MYO16: variants seen among roughly 807,000 people sequenced by gnomAD.
MYO16 encodes the protein unconventional myosin-XVI.
MYO16 carries 94 observed loss-of-function variants against 205.3 expected under a neutral mutation model. The ratio of observed to expected loss-of-function variants is 0.46; its 90% CI spans 0.39 to 0.54. MYO16 has a LOEUF of 0.54. Among genes scored for constraint, MYO16 ranks in the 20% least tolerant of loss-of-function variants. MYO16 has a pLI of 0.00. For missense variants in MYO16, 2,315 were observed against 2,387.5 expected, an observed-to-expected ratio of 0.97 and a Z score of 0.63; for synonymous variants, 988 against 954.0, an observed-to-expected ratio of 1.04 and a Z score of -0.66.
At chr13:108,762,384 C>A (rs1011113684) in intron 4 of MYO16, among the ~76,000 whole-genome samples, 2 of 152,084 alleles carry the variant, frequency 1.3e-5, no homozygotes, top group Non-Finnish European at 2.9e-5. Context: ...TGGATCAAAT[C>A]GTAGTTCTGT....
intron 27 of MYO16, among the ~76,000 whole-genome samples, chr13:109,080,760 G>T (rs757690889): frequency 6.6e-6 from 1 of 152,054 alleles, no homozygotes; most frequent in Non-Finnish European, 1.5e-5. Flanking sequence ...TAAATAATGA[G>T]CATAGAGGGA....
chr13:108,500,372 G>A, the MYO16 span, among the ~76,000 whole-genome samples: 2 of 151,520 alleles, frequency 1.3e-5, no homozygotes, highest in African/African-American at 4.9e-5. Flanking sequence ...TGCGATTACA[G>A]GCGCCTGCCA....
intron 3 of MYO16, among the ~76,000 whole-genome samples, chr13:108,718,098 C>G (rs1347096686): frequency 2.0e-5 from 3 of 152,134 alleles, no homozygotes; most frequent in African/African-American, 7.2e-5. Flanking sequence ...TAATTAGCAC[C>G]TTACTACAGT....
intron 23 of MYO16, among the ~76,000 whole-genome samples, chr13:109,021,864 C>A (rs1394633277): frequency 1.3e-5 from 2 of 151,544 alleles, no homozygotes; most frequent in African/African-American, 4.9e-5. Context: ...AACAAAAAAG[C>A]AGAGGGCCTG....
At chr13:109,108,328 T>G (rs1200375325) in intron 28 of MYO16, among the ~76,000 whole-genome samples, 2 of 152,258 alleles carry the variant, frequency 1.3e-5, no homozygotes, top group East Asian at 3.8e-4. Context: ...TGAAGGTATC[T>G]GCAGTGCGTT....
Position 108,666,209 on chromosome 13 carries a change from TGGTTTG to T in MYO16, c.292+61_292+66del. On this transcript the variant is annotated intron_variant, in intron 2 of 34. Transcript: ENST00000457511. ...GTGATTTTTCATGATTGATTTTTGT[TGGTTTG>T]TTGTTTTTTTGATGGAGAGATGGGG... The T allele has an allele frequency of 3.3e-6, 5 of 1,502,224 alleles. No individual in the cohort carries two copies. In the South Asian group the frequency reaches 6.5e-5, roughly 20 times the overall value. The allele number at this position is 1,502,224 out of a possible 1,614,324, so 93.1% of individuals were successfully genotyped here.
intron 2 of MYO16, among the ~76,000 whole-genome samples, chr13:108,672,493 G>T (rs182141527): frequency 7.2e-4 from 109 of 151,904 alleles, no homozygotes; most frequent in Middle Eastern, 3.4e-3. Flanking sequence ...TCATGTTAAG[G>T]TTTATAGTAT....
chr13:108,793,303 A>T (rs906283658), intron 5 of MYO16, among the ~76,000 whole-genome samples: 6 of 149,650 alleles, frequency 4.0e-5, no homozygotes, highest in African/African-American at 1.5e-4. Flanking sequence ...AAAAAAAAAA[A>T]AACATAACAA....
intron 34 of MYO16, among the ~76,000 whole-genome samples, chr13:109,195,262 T>C (rs1221830023): frequency 6.6e-6 from 1 of 152,154 alleles, no homozygotes; most frequent in Admixed American, 6.5e-5. Context: ...TAAAGGATAT[T>C]TTCCCCTTTG....
chr13:108,658,460 T>TGTGTG, intron 1 of MYO16, among the ~76,000 whole-genome samples: 1 of 122,314 alleles, frequency 8.2e-6, no homozygotes, highest in African/African-American at 3.3e-5. Flanking sequence ...GTGTGTGTGT[T>TGTGTG]TTCTAAATTC....
rs1331115792 is a variant in MYO16 at position 108,844,390 on chromosome 13, A to G, written c.1145A>G (p.Lys382Arg). 6.2e-7 allele frequency: 1 copy of G among 1,613,304 alleles called. No homozygotes were observed. The highest frequency in any genetic ancestry group is 1.3e-5 in the African/African-American group (1 of 74,898). The stretch of plus-strand genomic sequence containing the variant: ...GCCAAGCAAGACAGTTTGTTGGAAA[A>G]AGACATTATGTTCAAAGATGCAACA... ...PIAKQDSLLE[K>R]DIMFKDATKG... Residue 382 changes from lysine (K) to arginine (R), a missense_variant, in exon 10 of 35, where the codon AAA (lysine) becomes AGA (arginine). Physicochemically the swap from Lys to Arg is conservative, Grantham distance 26 (BLOSUM62 2). This residue lies in a region of MYO16 where 1,213 missense variants were observed against 1,274.4 expected (regional missense o/e 0.95). Coordinates refer to ENST00000457511, the MANE Select transcript of MYO16 (RefSeq NM_001198950.3).
intron 27 of MYO16, among the ~76,000 whole-genome samples, chr13:109,068,615 A>G (rs1428627596): frequency 2.8e-4 from 34 of 121,218 alleles, no homozygotes; most frequent in Non-Finnish European, 3.9e-4. Context: ...TTTGAGGTGG[A>G]GTTTCGCTCT....
the MYO16 span, among the ~76,000 whole-genome samples, chr13:108,585,434 G>A: frequency 1.3e-5 from 2 of 152,216 alleles, no homozygotes; most frequent in African/African-American, 4.8e-5. Flanking sequence ...ATAAAGGATT[G>A]TGGAAACCAA....
At chr13:109,142,370 T>C (rs1373996153) in intron 32 of MYO16, among the ~76,000 whole-genome samples, 3 of 152,162 alleles carry the variant, frequency 2.0e-5, no homozygotes, top group Admixed American at 2.0e-4. Context: ...GTCTCTTCCA[T>C]CATGATGGCA....
Position 108,911,413 on chromosome 13 carries a change from G to A in MYO16, c.1925+1263G>A, listed in dbSNP as rs116732920. 1.9e-3 allele frequency among the ~76,000 whole-genome samples: 291 copies of A among 152,250 alleles called. 2 individuals carry two copies. The highest frequency in any genetic ancestry group is 6.6e-3 in the African/African-American group (275 of 41,536). Reference sequence around the variant, plus strand: ...TTAATCGAGAGCCTCCTACCAGGTAGTACCTGTGGTAGAGACACCAGAGAG... The same window carrying A: ...TTAATCGAGAGCCTCCTACCAGGTAATACCTGTGGTAGAGACACCAGAGAG... On this transcript the variant is annotated intron_variant, in intron 16 of 34. Transcript: ENST00000457511.
chr13:108,712,903 G>C (rs1020122219), intron 3 of MYO16, among the ~76,000 whole-genome samples, 172 bp downstream of exon 3: 5 of 152,196 alleles, frequency 3.3e-5, no homozygotes, highest in African/African-American at 9.6e-5. Flanking sequence ...TTACTGTATT[G>C]AAGTTTGTAA....
chr13:108,644,346 A>ATCTGTCTG lies in MYO16; in HGVS notation c.28+14477_28+14478insGTCTGTCT, dbSNP rs1880641900. On this transcript the variant is annotated intron_variant, in intron 1 of 34. Transcript: ENST00000457511. Reference sequence around the variant, plus strand: ...AAATGGTTGGAGCATTTATTCTACCATCTATCTGTCTGTCTGTCTATCTAT... The same window carrying ATCTGTCTG: ...AAATGGTTGGAGCATTTATTCTACCATCTGTCTGTCTATCTGTCTGTCTGTCTATCTAT... 1.0e-4 allele frequency among the ~76,000 whole-genome samples: 13 copies of ATCTGTCTG among 127,438 alleles called. No homozygotes were observed. The South Asian group carries it at 3.6e-3, about 36-fold the overall frequency. The allele number at this position is 127,438 out of a possible 152,430, so 83.6% of individuals were successfully genotyped here. A position where few individuals can be genotyped will look rare whatever the true frequency, so the allele number is the denominator to read the frequency against.
At chr13:108,864,629 A>T in intron 11 of MYO16, among the ~76,000 whole-genome samples, 1 of 152,076 alleles carries the variant, frequency 6.6e-6, no homozygotes, top group East Asian at 1.9e-4. Flanking sequence ...TCCAGGATCA[A>T]GTGATCCTCC....
the MYO16 span, among the ~76,000 whole-genome samples, chr13:108,588,039 T>C: frequency 1.3e-5 from 2 of 151,836 alleles, no homozygotes; most frequent in East Asian, 3.8e-4. Flanking sequence ...AGGAAATATG[T>C]TTTTATTAAT....
Sources: gnomAD v4.1 joint callset for allele counts (sites outside exome capture counted in the v4.1 genomes callset) on GRCh38, gnomAD v4.1.1 for gene constraint, gnomAD v4.1.1 regional missense constraint, MANE v1.5 for transcripts, NCBI Gene and HGNC (gene_info 2026-07-23, HGNC 2026-07-21) for gene names.